PLCB1: variants seen among roughly 807,000 people sequenced by gnomAD.
The protein encoded by PLCB1 is 1-phosphatidylinositol 4,5-bisphosphate phosphodiesterase beta-1.
In PLCB1, 46 loss-of-function variants were observed where a neutral mutation model predicts 161.8. That is an observed-to-expected ratio of 0.28 (90% confidence interval 0.22 to 0.36). PLCB1 has a LOEUF of 0.36. Among genes scored for constraint, PLCB1 ranks in the 10% least tolerant of loss-of-function variants. The pLI, the probability that PLCB1 is intolerant of heterozygous loss-of-function variation, is 1.00. For synonymous variants in PLCB1, 517 were observed against 503.7 expected, an observed-to-expected ratio of 1.03 and a Z score of -0.35; for missense variants, 1,016 against 1,472.5, an observed-to-expected ratio of 0.69 and a Z score of 5.07.
At chr20:8,859,450 A>G (rs1987181427) in intron 31 of PLCB1, among the ~76,000 whole-genome samples, 1 of 152,218 alleles carries the variant, frequency 6.6e-6, no homozygotes, top group Admixed American at 6.5e-5. Context: ...CTGAAGTGAT[A>G]CTACTGGTCC....
At chr20:8,371,294 G>A in intron 2 of PLCB1, 88 bp from the exon 3 acceptor site, 1 of 808,146 alleles carries the variant, frequency 1.2e-6, no homozygotes, top group East Asian at 2.5e-5. Context: ...CAAGTCTCAA[G>A]ATAATTTTTT....
At chr20:8,178,870 G>A (rs2051809868) in intron 2 of PLCB1, among the ~76,000 whole-genome samples, 1 of 152,164 alleles carries the variant, frequency 6.6e-6, no homozygotes, top group African/African-American at 2.4e-5. Context: ...AGTTATCCTA[G>A]CACCATTTAT....
At chr20:8,520,791 A>C (rs2122881264) in intron 3 of PLCB1, among the ~76,000 whole-genome samples, 1 of 152,260 alleles carries the variant, frequency 6.6e-6, no homozygotes, top group South Asian at 2.1e-4. Flanking sequence ...CTTTTACTCA[A>C]AATCTGTGCA....
intron 2 of PLCB1, among the ~76,000 whole-genome samples, chr20:8,354,963 A>G (rs773187449): frequency 1.3e-5 from 2 of 152,186 alleles, no homozygotes; most frequent in Admixed American, 1.3e-4. Flanking sequence ...CTATAAATTC[A>G]TGGGATTCTG....
At chr20:8,486,883 G>A (rs1982753461) in intron 3 of PLCB1, among the ~76,000 whole-genome samples, 1 of 152,158 alleles carries the variant, frequency 6.6e-6, no homozygotes, top group African/African-American at 2.4e-5. Context: ...CTATCAAAGA[G>A]GCTTCTAAAC....
chr20:8,647,489 T>A (rs1399577873), intron 5 of PLCB1, among the ~76,000 whole-genome samples: 2 of 152,196 alleles, frequency 1.3e-5, no homozygotes, highest in East Asian at 3.8e-4. Flanking sequence ...GAATTCCCAA[T>A]GTATGCATCC....
At chr20:8,558,482 C>T (rs78069511) in intron 3 of PLCB1, among the ~76,000 whole-genome samples, 1,565 of 151,632 alleles carry the variant, frequency 0.01, 22 homozygotes, top group African/African-American at 0.036. Flanking sequence ...AGGGGAGTCT[C>T]AGGAAGTGAG....
At chr20:8,497,191 G>C (rs1983213947) in intron 3 of PLCB1, among the ~76,000 whole-genome samples, 1 of 152,126 alleles carries the variant, frequency 6.6e-6, no homozygotes, top group South Asian at 2.1e-4. Flanking sequence ...TTTTCATGTA[G>C]AAACAAACAT....
intron 3 of PLCB1, among the ~76,000 whole-genome samples, chr20:8,567,770 A>G (rs1986383691): frequency 6.6e-6 from 1 of 152,170 alleles, no homozygotes; most frequent in Admixed American, 6.5e-5. Flanking sequence ...TAAAAAAATC[A>G]TTAGTAGGTG....
In PLCB1 at chr20:8,649,122, A is replaced by G. The variant is rs910749971; in HGVS notation, c.519-252A>G. ...TTAATATTAGAGATTATTTAATGCA[A>G]TATTTTTTAATTGGGTCAGCACCAT... On this transcript the variant is annotated intron_variant, in intron 6 of 31. Transcript: ENST00000338037. Among the ~76,000 whole-genome samples the G allele has an allele frequency of 4.6e-5, 7 of 152,196 alleles. 1 individual carries two copies. The highest frequency in any genetic ancestry group is 1.3e-4 in the Admixed American group (2 of 15,288).
chr20:8,314,243 T>C (rs1002878365), intron 2 of PLCB1, among the ~76,000 whole-genome samples: 1 of 152,174 alleles, frequency 6.6e-6, no homozygotes, highest in Admixed American at 6.6e-5. Context: ...AGATTAGTAA[T>C]GTCTGCCATA....
intron 23 of PLCB1, among the ~76,000 whole-genome samples, chr20:8,749,107 C>T (rs866017093): frequency 1.6e-4 from 24 of 152,306 alleles, no homozygotes; most frequent in Middle Eastern, 6.8e-3. Flanking sequence ...ATTAGCAGGG[C>T]TCTCAAACTT....
At chr20:8,344,070 T>A (rs1210391556) in intron 2 of PLCB1, among the ~76,000 whole-genome samples, 2 of 152,236 alleles carry the variant, frequency 1.3e-5, no homozygotes, top group Non-Finnish European at 2.9e-5. Flanking sequence ...CTATTTTTGT[T>A]AATTGTCTTC....
At chr20:8,218,127 TTCA>T (rs1979226584) in intron 2 of PLCB1, among the ~76,000 whole-genome samples, 1 of 152,178 alleles carries the variant, frequency 6.6e-6, no homozygotes, top group Non-Finnish European at 1.5e-5. Flanking sequence ...ATTCATGCTC[TTCA>T]TTATATATCC....
chr20:8,352,275 A>G (rs1369119099), intron 2 of PLCB1, among the ~76,000 whole-genome samples: 1 of 152,178 alleles, frequency 6.6e-6, no homozygotes, highest in Non-Finnish European at 1.5e-5. Flanking sequence ...AATATTCTAA[A>G]AAAGGCAATG....
intron 2 of PLCB1, among the ~76,000 whole-genome samples, chr20:8,231,438 A>G (rs1360766998): frequency 2.0e-5 from 3 of 152,270 alleles, no homozygotes; most frequent in East Asian, 1.9e-4. Context: ...ATGCATAAGA[A>G]CCACTACCTT....
chr20:8,369,868 G>A (rs1301329560), intron 2 of PLCB1, among the ~76,000 whole-genome samples: 1 of 152,204 alleles, frequency 6.6e-6, no homozygotes, highest in Admixed American at 6.5e-5. Flanking sequence ...TTGCATTCGA[G>A]GAGTGAGACT....
intron 2 of PLCB1, among the ~76,000 whole-genome samples, chr20:8,198,274 G>T (rs897559508): frequency 6.6e-6 from 1 of 152,072 alleles, no homozygotes; most frequent in Non-Finnish European, 1.5e-5. Context: ...TCACAATATT[G>T]ATTCTTCCTA....
chr20:8,712,429 A>G (rs1309117942), intron 12 of PLCB1, among the ~76,000 whole-genome samples: 2 of 152,202 alleles, frequency 1.3e-5, no homozygotes, highest in African/African-American at 4.8e-5. Context: ...CTTTCAATGT[A>G]TCCTGTTGCT....
Sources: allele counts gnomAD v4.1 joint callset (sites outside exome capture counted in the v4.1 genomes callset), GRCh38; gene constraint gnomAD v4.1.1; transcripts MANE v1.5; gene names NCBI Gene and HGNC (gene_info 2026-07-23, HGNC 2026-07-21).